Variants in TRIM22 observed in about 807,000 individuals in gnomAD.
TRIM22 encodes tripartite motif containing 22.
TRIM22 carries 45 observed loss-of-function variants against 53.6 expected under a neutral mutation model. The observed-to-expected ratio is 0.84, with a 90% CI of 0.66 to 1.08. TRIM22 has a LOEUF of 1.08. Among genes scored for constraint, TRIM22 ranks in the 50% least tolerant of loss-of-function variants. The pLI is 0.00. For synonymous variants in TRIM22, 225 were observed against 216.6 expected (o/e 1.04, Z -0.34); for missense variants, 616 against 590.9 (o/e 1.04, Z -0.44).
At chr11:5,702,868 G>A (rs765541470) in intron 4 of TRIM22, among the ~76,000 whole-genome samples, 131 of 151,960 alleles carry the variant, frequency 8.6e-4, no homozygotes, top group African/African-American at 3.1e-3. Context: ...TCATTATTGC[G>A]GGACAAAATT....
In TRIM22 at chr11:5,708,232, T is replaced by C. The variant is rs558884567; in HGVS notation, c.833T>C (p.Phe278Ser). The C allele has an allele frequency of 3.1e-6, 5 of 1,614,196 alleles. No homozygotes were observed. In the African/African-American group the frequency reaches 4.0e-5, roughly 13 times the overall value. Residue 278 changes from phenylalanine (F) to serine (S), a missense_variant, in exon 6 of 8, where the codon TTC becomes TCC. Phe to Ser is a radical substitution (Grantham distance 155). Transcript: ENST00000379965. ...GTTTCCAAGAAACTAAAGAGTGTATTCCGAGTACCAGATCTGAGTGGGATG... is the reference window on the plus strand; with the variant it reads ...GTTTCCAAGAAACTAAAGAGTGTATCCCGAGTACCAGATCTGAGTGGGATG... ...KSVSKKLKSV[F>S]RVPDLSGMLQ...
chr11:5,700,489 A>G (rs1853355650), intron 4 of TRIM22, among the ~76,000 whole-genome samples: 1 of 150,140 alleles, frequency 6.7e-6, no homozygotes, highest in Non-Finnish European at 1.5e-5. Flanking sequence ...AATGTTCAAC[A>G]GGGATGGTGA....
chr11:5,696,193 T>G lies in TRIM22; in HGVS notation c.-40T>G. Reference sequence around the variant, plus strand: ...ACTGCAGGAGTTTGTGACCAAGAACTTCAAGAGTCAAGACAGAAGGAAGCC... The same window carrying G: ...ACTGCAGGAGTTTGTGACCAAGAACGTCAAGAGTCAAGACAGAAGGAAGCC... On this transcript the variant is annotated 5_prime_UTR_variant, in exon 2 of 8. Coordinates refer to ENST00000379965, the MANE Select transcript of TRIM22 (RefSeq NM_006074.5). The G allele has an allele frequency of 1.3e-6, 2 of 1,555,984 alleles. No individual in the cohort carries two copies. The highest frequency in any genetic ancestry group is 2.5e-5 in the South Asian group (2 of 80,726).
Position 5,709,833 on chromosome 11 carries a change from T to C in TRIM22, c.*185T>C, listed in dbSNP as rs959468204. On this transcript the variant is annotated 3_prime_UTR_variant, in exon 8 of 8. Transcript: ENST00000379965. ...CATCATAGATTGCTGATTTAAACTG[T>C]AATTGTATTGCCGTACTGTGGGCTG... The C allele has an allele frequency of 1.6e-6, 1 of 606,240 alleles. No homozygotes were observed. The highest frequency in any genetic ancestry group is 3.1e-5 in the Admixed American group (1 of 32,638). The allele number at this position is 606,240 out of a possible 1,614,324, so 37.6% of individuals were successfully genotyped here.
chr11:5,709,072 A>G lies in TRIM22; in HGVS notation c.921A>G (p.Pro307=). 6.2e-7 allele frequency: 1 copy of G among 1,613,102 alleles called. No individual in the cohort carries two copies. The highest frequency in any genetic ancestry group is 8.5e-7 in the Non-Finnish European group (1 of 1,179,030). The stretch of plus-strand genomic sequence containing the variant: ...CTACAGTGGACGTGATGCTGAATCC[A>G]GGCAGTGCCACTTCGAATGTTGCTA... ...QYYWVDVMLN[P]GSATSNVAIS... The change falls in exon 8 of 8, where the codon CCA becomes CCG. Residue 307 remains proline, a synonymous_variant. Coordinates refer to ENST00000379965, the MANE Select transcript of TRIM22 (RefSeq NM_006074.5).
chr11:5,709,758 T>A lies in TRIM22; in HGVS notation c.*110T>A. 1.0e-6 allele frequency: 1 copy of A among 964,332 alleles called. No individual in the cohort carries two copies. The highest frequency in any genetic ancestry group is 1.5e-6 in the Non-Finnish European group (1 of 647,394). The allele number at this position is 964,332 out of a possible 1,614,324, so 59.7% of individuals were successfully genotyped here. A position where few individuals can be genotyped will look rare whatever the true frequency, so the allele number is the denominator to read the frequency against. Reference sequence around the variant, plus strand: ...CCATCTCTTCCTTTCTTTCCCCTTCTTTTACTTAGAATGTCTTTGTATTCA... The same window carrying A: ...CCATCTCTTCCTTTCTTTCCCCTTCATTTACTTAGAATGTCTTTGTATTCA... On this transcript the variant is annotated 3_prime_UTR_variant, in exon 8 of 8. Transcript: ENST00000379965.
intron 4 of TRIM22, among the ~76,000 whole-genome samples, chr11:5,703,797 C>G (rs1853414598): frequency 6.6e-6 from 1 of 151,796 alleles, no homozygotes; most frequent in Non-Finnish European, 1.5e-5. Flanking sequence ...TTGCTACAAG[C>G]AAGAAAACAA....
chr11:5,709,519 T>G lies in TRIM22; in HGVS notation c.1368T>G (p.Phe456Leu). Residue 456 changes from phenylalanine to leucine, a missense_variant, in exon 8 of 8, where the codon TTT becomes TTG. Transcript: ENST00000379965. The part of the protein sequence containing the change: ...FLDYEAGIVS[F>L]FNVTNHGALI... The stretch of plus-strand genomic sequence containing the variant: ...ACTATGAGGCAGGCATTGTCTCATT[T>G]TTCAATGTCACAAACCACGGAGCAC... The G allele has an allele frequency of 6.2e-7, 1 of 1,614,216 alleles. No individual in the cohort carries two copies. The highest frequency in any genetic ancestry group is 8.5e-7 in the Non-Finnish European group (1 of 1,180,044).
At chr11:5,704,961 C>T (rs1853436903) in intron 4 of TRIM22, among the ~76,000 whole-genome samples, 1 of 152,146 alleles carries the variant, frequency 6.6e-6, no homozygotes, top group Non-Finnish European at 1.5e-5. Flanking sequence ...TGGCAGACAG[C>T]TGAGGAATGG....
At chr11:5,700,492 G>C (rs1323060630) in intron 4 of TRIM22, among the ~76,000 whole-genome samples, 1 of 151,540 alleles carries the variant, frequency 6.6e-6, no homozygotes, top group African/African-American at 2.4e-5. Context: ...GTTCAACAGG[G>C]ATGGTGAGAG....
chr11:5,709,780 T>C lies in TRIM22; in HGVS notation c.*132T>C, dbSNP rs1020829100. On this transcript the variant is annotated 3_prime_UTR_variant, in exon 8 of 8. Coordinates refer to ENST00000379965, the MANE Select transcript of TRIM22 (RefSeq NM_006074.5). ...TTCTTTTACTTAGAATGTCTTTGTA[T>C]TCATTTGCTAGGGCTTCCATAGCAA... 1.2e-6 allele frequency: 1 copy of C among 821,274 alleles called. No homozygotes were observed. The highest frequency in any genetic ancestry group is 1.9e-6 in the Non-Finnish European group (1 of 523,796). 50.9% of individuals were successfully genotyped at this position (821,274 alleles called of 1,614,324 possible). A position where few individuals can be genotyped will look rare whatever the true frequency, so the allele number is the denominator to read the frequency against.
intron 2 of TRIM22, 146 bp from the exon 3 acceptor site, chr11:5,697,102 C>T: frequency 3.3e-6 from 2 of 598,504 alleles, no homozygotes; most frequent in Admixed American, 3.3e-5. Flanking sequence ...CTCAGATTTT[C>T]CCCCATGCCA....
chr11:5,709,642 C>T lies in TRIM22; in HGVS notation c.1491C>T (p.Ser497=), dbSNP rs374113242. The change falls in exon 8 of 8, where the codon AGC becomes AGT. Residue 497 remains serine (S), a synonymous_variant. Coordinates refer to ENST00000379965, the MANE Select transcript of TRIM22 (RefSeq NM_006074.5). ...CLVPMTVCPP[S]S ...TCCCCATGACTGTGTGCCCACCGAG[C>T]TCCTGAGTGTTCTCATTCCTTTACC... 1.9e-6 allele frequency: 3 copies of T among 1,601,300 alleles called. No individual in the cohort carries two copies. Among genetic ancestry groups the T allele is most frequent in the Non-Finnish European group, 2.5e-6 (3 of 1,177,724 alleles).
intron 4 of TRIM22, among the ~76,000 whole-genome samples, chr11:5,705,682 A>G (rs1853446889): frequency 6.6e-6 from 1 of 152,234 alleles, no homozygotes; most frequent in South Asian, 2.1e-4. Context: ...GAGAAAGAAA[A>G]GATAGCTAAA....
At chr11:5,706,523 T>C (rs375578001) in intron 4 of TRIM22, 71 bp from the exon 5 acceptor site, 68 of 1,489,694 alleles carry the variant, frequency 4.6e-5, no homozygotes, top group Non-Finnish European at 5.6e-5. Context: ...CAAATTCTAA[T>C]TGAACTAGCC....
At chr11:5,702,315 A>G (rs1853387405) in intron 4 of TRIM22, among the ~76,000 whole-genome samples, 1 of 146,128 alleles carries the variant, frequency 6.8e-6, no homozygotes, top group Non-Finnish European at 1.5e-5. Context: ...AATATGCCTA[A>G]TAATATAACT....
intron 1 of TRIM22, among the ~76,000 whole-genome samples, chr11:5,690,734 T>A (rs75935256): frequency 0.064 from 9,759 of 152,276 alleles, 382 homozygotes; most frequent in Non-Finnish European, 0.087. Context: ...GGATCAGAAT[T>A]TTCTTTTATT....
In TRIM22 at chr11:5,709,502, G is replaced by T. The variant is rs1853522399; in HGVS notation, c.1351G>T (p.Ala451Ser). 1 of 1,613,914 alleles carries T rather than the reference G, an allele frequency of 6.2e-7. No homozygotes were observed. Among genetic ancestry groups the T allele is most frequent in the African/African-American group, 1.3e-5 (1 of 74,872 alleles). Residue 451 changes from alanine (A) to serine (S), a missense_variant, in exon 8 of 8, where the codon GCA becomes TCA. Transcript: ENST00000379965. ...CRIGVFLDYE[A>S]GIVSFFNVTN... ...TATTGGGGTTTTCCTAGACTATGAG[G>T]CAGGCATTGTCTCATTTTTCAATGT...
chr11:5,696,505 G>A lies in TRIM22; in HGVS notation c.273G>A (p.Gly91=), dbSNP rs201863452. ...VKEVKMSPQE[G]QKRDVCEHHG... ...AGGTCAAGATGAGCCCACAGGAGGG[G>A]CAGAAGAGAGATGTCTGTGAGCACC... Residue 91 remains glycine (G), a synonymous_variant, in exon 2 of 8, where the codon GGG becomes GGA. Transcript: ENST00000379965. 18 of 1,614,134 alleles carry A rather than the reference G, an allele frequency of 1.1e-5. No individual in the cohort carries two copies. Among genetic ancestry groups the A allele is most frequent in the Non-Finnish European group, 1.5e-5 (18 of 1,180,052 alleles).
Sources: gnomAD v4.1 joint callset for allele counts (sites outside exome capture counted in the v4.1 genomes callset) on GRCh38, gnomAD v4.1.1 for gene constraint, MANE v1.5 for transcripts, NCBI Gene and HGNC (gene_info 2026-07-23, HGNC 2026-07-21) for gene names.